The following NFIA variants were observed in gnomAD, a reference collection of about 807,000 sequenced individuals.
NFIA encodes nuclear factor I A, also known as nuclear factor 1 A-type.
NFIA carries 8 observed loss-of-function variants against 62.8 expected under a neutral mutation model. The observed-to-expected ratio is 0.13, with a 90% CI of 0.07 to 0.23. NFIA has a LOEUF of 0.23. Ranked by LOEUF, NFIA falls within the 10% of genes least tolerant of loss-of-function variation. The pLI is 1.00. For missense variants in NFIA, 410 were observed against 642.1 expected, an observed-to-expected ratio of 0.64 and a Z score of 3.91; for synonymous variants, 235 against 238.1, an observed-to-expected ratio of 0.99 and a Z score of 0.12.
intron 6 of NFIA, among the ~76,000 whole-genome samples, chr1:61,375,413 A>G (rs1557740993): frequency 6.6e-6 from 1 of 152,190 alleles, no homozygotes; most frequent in Non-Finnish European, 1.5e-5. Context: ...AGAGTCACAA[A>G]GCAGTTAGCA....
chr1:61,369,376 G>A (rs116777960), intron 6 of NFIA, among the ~76,000 whole-genome samples: 1,582 of 151,984 alleles, frequency 0.01, 25 homozygotes, highest in African/African-American at 0.036. Flanking sequence ...TTCACCAGAG[G>A]GTAGAATAAC....
rs1322310411 is a variant in NFIA at position 61,100,113 on chromosome 1, G to T, written c.559+11433G>T. Among the ~76,000 whole-genome samples, 3 of 152,204 alleles carry T rather than the reference G, an allele frequency of 2.0e-5. No homozygotes were observed. The East Asian group carries it at 5.8e-4, about 29-fold the overall frequency. On this transcript the variant is annotated intron_variant, in intron 2 of 10. Coordinates refer to ENST00000403491, the MANE Select transcript of NFIA (RefSeq NM_001134673.4). ...TGTTTAGAAAGTAGTTGAAAAAGTAGTGAGAAACTAGAGCTTTTTCTTTTC... is the reference window on the plus strand; with the variant it reads ...TGTTTAGAAAGTAGTTGAAAAAGTATTGAGAAACTAGAGCTTTTTCTTTTC...
At chr1:61,143,318 G>A (rs1351864134) in intron 2 of NFIA, among the ~76,000 whole-genome samples, 1 of 152,146 alleles carries the variant, frequency 6.6e-6, no homozygotes, top group Non-Finnish European at 1.5e-5. Context: ...TTGTGATTAA[G>A]TTAATCATAG....
Position 61,359,247 on chromosome 1 carries a change from T to G in NFIA, c.919T>G (p.Ser307Ala), listed in dbSNP as rs1452496953. 2 of 1,612,436 alleles carry G rather than the reference T, an allele frequency of 1.2e-6. No individual in the cohort carries two copies. The highest frequency in any genetic ancestry group is 2.7e-5 in the African/African-American group (2 of 74,860). Reference sequence around the variant, plus strand: ...GCGCTCCCCAGGAAGTGGCAGTCAGTCAAGTGGATGGCATGAAGTGGAGCC... The same window carrying G: ...GCGCTCCCCAGGAAGTGGCAGTCAGGCAAGTGGATGGCATGAAGTGGAGCC... ...QGRSPGSGSQ[S>A]SGWHEVEPGM... Residue 307 changes from serine (S) to alanine (A), a missense_variant, in exon 6 of 11, where the codon TCA becomes GCA. Transcript: ENST00000403491.
chr1:61,104,492 T>G (rs1476084290), intron 2 of NFIA, among the ~76,000 whole-genome samples: 1 of 152,082 alleles, frequency 6.6e-6, no homozygotes, highest in Non-Finnish European at 1.5e-5. Context: ...CACCCACATA[T>G]GTAAATCTTC....
chr1:61,261,978 A>G (rs1007497955), intron 2 of NFIA, among the ~76,000 whole-genome samples: 1 of 152,202 alleles, frequency 6.6e-6, no homozygotes, highest in African/African-American at 2.4e-5. Flanking sequence ...AAACAGAAAT[A>G]GAAACTTATA....
At chr1:61,165,806 G>T (rs528747706) in intron 2 of NFIA, among the ~76,000 whole-genome samples, 2 of 152,174 alleles carry the variant, frequency 1.3e-5, no homozygotes, top group Non-Finnish European at 2.9e-5. Flanking sequence ...TAAGTTTAGG[G>T]TCTGTGAGTT....
intron 2 of NFIA, among the ~76,000 whole-genome samples, chr1:61,141,920 C>T (rs192863368): frequency 2.6e-5 from 4 of 152,260 alleles, no homozygotes; most frequent in Admixed American, 1.3e-4. Context: ...AATCTGCCCC[C>T]GTGATGGTGA....
At chr1:61,428,516 A>G (rs992819269) in intron 10 of NFIA, among the ~76,000 whole-genome samples, 6 of 151,940 alleles carry the variant, frequency 3.9e-5, no homozygotes, top group South Asian at 2.1e-4. Context: ...ATGAGAAACT[A>G]TGTTAATGGA....
chr1:61,418,287 G>C (rs1337375583), intron 9 of NFIA, among the ~76,000 whole-genome samples: 1 of 151,860 alleles, frequency 6.6e-6, no homozygotes, highest in Non-Finnish European at 1.5e-5. Flanking sequence ...AACATAATGA[G>C]ACAGTGTCTC....
intron 1 of NFIA, among the ~76,000 whole-genome samples, chr1:61,084,359 G>C (rs1646180879): frequency 6.6e-6 from 1 of 151,794 alleles, no homozygotes; most frequent in African/African-American, 2.4e-5. Flanking sequence ...ATGTTGAAAT[G>C]GTCTGTTTGG....
At chr1:61,183,973 A>G (rs1050571318) in intron 2 of NFIA, among the ~76,000 whole-genome samples, 5 of 152,082 alleles carry the variant, frequency 3.3e-5, no homozygotes, top group African/African-American at 1.2e-4. Context: ...TTCCTCTTGG[A>G]AAGTTTACGG....
intron 2 of NFIA, among the ~76,000 whole-genome samples, chr1:61,180,425 G>A (rs1225867196): frequency 6.6e-6 from 1 of 152,106 alleles, no homozygotes; most frequent in Middle Eastern, 3.2e-3. Context: ...AGAAGTGATG[G>A]TCCAGAATAT....
At chr1:61,366,576 G>A (rs935180889) in intron 6 of NFIA, among the ~76,000 whole-genome samples, 2 of 152,148 alleles carry the variant, frequency 1.3e-5, no homozygotes, top group Non-Finnish European at 2.9e-5. Flanking sequence ...AATAACTTTT[G>A]GAGATACATT....
At chr1:61,447,424 G>A (rs1667860738) in intron 10 of NFIA, among the ~76,000 whole-genome samples, 1 of 152,104 alleles carries the variant, frequency 6.6e-6, no homozygotes, top group Non-Finnish European at 1.5e-5. Context: ...ATATTTGTTG[G>A]ACTTTGTGGA....
chr1:61,432,610 T>TAC (rs71050127), intron 10 of NFIA, among the ~76,000 whole-genome samples: 6,184 of 55,648 alleles, frequency 0.11, 319 homozygotes, highest in African/African-American at 0.27. Flanking sequence ...TATATATATA[T>TAC]ACACACACAC....
At chr1:61,397,673 T>C (rs1665347758) in intron 7 of NFIA, among the ~76,000 whole-genome samples, 1 of 152,222 alleles carries the variant, frequency 6.6e-6, no homozygotes, top group South Asian at 2.1e-4. Flanking sequence ...TTAGCCCCAT[T>C]ATACAGATGC....
intron 9 of NFIA, among the ~76,000 whole-genome samples, chr1:61,415,143 T>C (rs1481005980): frequency 6.6e-6 from 1 of 152,170 alleles, no homozygotes; most frequent in African/African-American, 2.4e-5. Flanking sequence ...TGGCATTTTA[T>C]ATTAGAGAAG....
intron 9 of NFIA, among the ~76,000 whole-genome samples, chr1:61,420,587 A>G (rs939167631): frequency 2.0e-5 from 3 of 152,142 alleles, no homozygotes; most frequent in Non-Finnish European, 4.4e-5. Flanking sequence ...ACTTGTTTTG[A>G]TTACTTTTGT....
Sources: allele counts gnomAD v4.1 joint callset (sites outside exome capture counted in the v4.1 genomes callset), GRCh38; gene constraint gnomAD v4.1.1; transcripts MANE v1.5; gene names NCBI Gene and HGNC (gene_info 2026-07-23, HGNC 2026-07-21).